HNF4G: variants seen among roughly 807,000 people sequenced by gnomAD.
The protein encoded by HNF4G is hepatocyte nuclear factor 4-gamma.
A neutral mutation model predicts 50.9 loss-of-function variants in HNF4G; 21 were observed. The ratio of observed to expected loss-of-function variants is 0.41; its 90% CI spans 0.29 to 0.59. HNF4G has a LOEUF of 0.59. Among genes scored for constraint, HNF4G ranks in the 20% least tolerant of loss-of-function variants. HNF4G has a pLI of 0.26. For missense variants in HNF4G, 527 were observed against 559.4 expected (o/e 0.94, Z 0.58); for synonymous variants, 198 against 185.6 (o/e 1.07, Z -0.54).
intron 1 of HNF4G, among the ~76,000 whole-genome samples, chr8:75,467,633 C>T (rs548655647): frequency 6.7e-6 from 1 of 150,374 alleles, no homozygotes; most frequent in African/African-American, 2.4e-5. Flanking sequence ...GCACTCCAGC[C>T]TGGCAACAGA....
At chr8:75,424,224 T>C (rs1810841554) in intron 1 of HNF4G, among the ~76,000 whole-genome samples, 1 of 152,162 alleles carries the variant, frequency 6.6e-6, no homozygotes, top group Non-Finnish European at 1.5e-5. Flanking sequence ...TATTGAATTA[T>C]TTTTTCCTTA....
At chr8:75,546,494 A>T (rs1404863617) in intron 2 of HNF4G, among the ~76,000 whole-genome samples, 1 of 152,102 alleles carries the variant, frequency 6.6e-6, no homozygotes, top group Non-Finnish European at 1.5e-5. Flanking sequence ...AGAAACCTTT[A>T]GTAGTTACTC....
chr8:75,501,788 A>C (rs1378670198), intron 2 of HNF4G, among the ~76,000 whole-genome samples: 3 of 152,154 alleles, frequency 2.0e-5, no homozygotes. Context: ...GAATGACTGA[A>C]TCAAGCTAAT....
chr8:75,557,677 T>A (rs1807173685), intron 6 of HNF4G, among the ~76,000 whole-genome samples: 1 of 152,132 alleles, frequency 6.6e-6, no homozygotes, highest in South Asian at 2.1e-4. Context: ...CAATTCTGTT[T>A]GCTTGTCATA....
At chr8:75,492,472 T>C (rs984460708) in intron 2 of HNF4G, among the ~76,000 whole-genome samples, 1 of 152,210 alleles carries the variant, frequency 6.6e-6, no homozygotes, top group Non-Finnish European at 1.5e-5. Context: ...AAGCACCAGA[T>C]GGGAGCATTA....
intron 2 of HNF4G, among the ~76,000 whole-genome samples, chr8:75,506,936 A>G (rs1218750034): frequency 6.6e-6 from 1 of 152,240 alleles, no homozygotes; most frequent in African/African-American, 2.4e-5. Flanking sequence ...GTGTTAATGT[A>G]GAATGATATT....
chr8:75,552,428 T>G (rs73690967), intron 4 of HNF4G, among the ~76,000 whole-genome samples: 3,617 of 152,256 alleles, frequency 0.024, 133 homozygotes, highest in East Asian at 0.15. Context: ...TTACTTATAT[T>G]TTTATATAGT....
chr8:75,519,752 CT>C (rs1194755141), intron 2 of HNF4G, among the ~76,000 whole-genome samples: 4 of 151,976 alleles, frequency 2.6e-5, no homozygotes, highest in African/African-American at 4.8e-5. Flanking sequence ...AATGATACAA[CT>C]TTTTTTCTTG....
intron 1 of HNF4G, among the ~76,000 whole-genome samples, chr8:75,432,858 G>C (rs1425408478): frequency 6.6e-6 from 1 of 152,092 alleles, no homozygotes; most frequent in Non-Finnish European, 1.5e-5. Context: ...ACACTTTATG[G>C]GGGACCATCA....
At chr8:75,562,237 G>A (rs988722236) in intron 9 of HNF4G, among the ~76,000 whole-genome samples, 3 of 152,144 alleles carry the variant, frequency 2.0e-5, no homozygotes, top group Non-Finnish European at 2.9e-5. Context: ...ATGGGACTGC[G>A]TGCTACCATG....
intron 1 of HNF4G, among the ~76,000 whole-genome samples, chr8:75,479,066 C>T (rs1378538654): frequency 6.6e-6 from 1 of 152,184 alleles, no homozygotes; most frequent in East Asian, 1.9e-4. Context: ...TGAAAAATAT[C>T]TAGCACAGAA....
chr8:75,495,329 C>A (rs1428064191), intron 2 of HNF4G: 1 of 151,992 alleles, frequency 6.6e-6, no homozygotes, highest in Admixed American at 6.6e-5. Flanking sequence ...ATCACATTTT[C>A]TATAGATGTT....
At chr8:75,557,177 T>C (rs1034095187) in intron 6 of HNF4G, among the ~76,000 whole-genome samples, 1 of 152,180 alleles carries the variant, frequency 6.6e-6, no homozygotes. Flanking sequence ...TACATTCTAG[T>C]TCTAAATTGA....
intron 2 of HNF4G, among the ~76,000 whole-genome samples, chr8:75,512,447 T>TTGC (rs751660261): frequency 3.2e-5 from 3 of 94,224 alleles, no homozygotes; most frequent in Non-Finnish European, 6.7e-5. Context: ...ATTATTACTA[T>TTGC]TACTATTATT....
chr8:75,429,978 C>T (rs142765350), intron 1 of HNF4G, among the ~76,000 whole-genome samples: 1 of 151,852 alleles, frequency 6.6e-6, no homozygotes, highest in African/African-American at 2.4e-5. Flanking sequence ...AGTGAAACCT[C>T]GTCTCTACTA....
chr8:75,539,822 A>C, upstream of HNF4G: 1 of 566,968 alleles, frequency 1.8e-6, no homozygotes, highest in South Asian at 2.3e-5. Context: ...ACAGTTTTAC[A>C]GCCCCTCCCA....
chr8:75,483,066 C>G (rs1812417828), intron 1 of HNF4G, among the ~76,000 whole-genome samples: 1 of 152,074 alleles, frequency 6.6e-6, no homozygotes, highest in Non-Finnish European at 1.5e-5. Context: ...GTGAACTGAA[C>G]ATGCGCAGGT....
chr8:75,477,863 A>G (rs1812274568), intron 1 of HNF4G, among the ~76,000 whole-genome samples: 1 of 152,182 alleles, frequency 6.6e-6, no homozygotes, highest in African/African-American at 2.4e-5. Flanking sequence ...GCTACTTGGA[A>G]GGCTGAGGCA....
intron 1 of HNF4G, among the ~76,000 whole-genome samples, chr8:75,427,287 T>A (rs930828476): frequency 2.0e-5 from 3 of 152,012 alleles, no homozygotes; most frequent in Non-Finnish European, 1.5e-5. Context: ...TATTAAAAAA[T>A]TAAGAATAGG....
Sources: allele counts gnomAD v4.1 joint callset (sites outside exome capture counted in the v4.1 genomes callset), GRCh38; gene constraint gnomAD v4.1.1; transcripts MANE v1.5; gene names NCBI Gene and HGNC (gene_info 2026-07-23, HGNC 2026-07-21).